Variants in SH3PXD2B observed in about 807,000 individuals in gnomAD.
The protein encoded by SH3PXD2B is SH3 and PX domains 2B.
Under a neutral mutation model 73.1 loss-of-function variants are expected in SH3PXD2B, and 37 were observed. The ratio of observed to expected loss-of-function variants is 0.51; its 90% CI spans 0.39 to 0.67. The LOEUF (loss-of-function observed/expected upper bound fraction) is 0.67. Ranked by LOEUF, SH3PXD2B falls within the 30% of genes least tolerant of loss-of-function variation. The probability of loss-of-function intolerance (pLI) is 0.00; values close to 1 mark genes in which losing one functional copy is unlikely to be tolerated. For synonymous variants in SH3PXD2B, 457 were observed against 480.5 expected (o/e 0.95, Z 0.64); for missense variants, 1,053 against 1,197.8 (o/e 0.88, Z 1.78).
chr5:172,365,256 C>CA (rs1757488200), intron 6 of SH3PXD2B, among the ~76,000 whole-genome samples: 1 of 152,208 alleles, frequency 6.6e-6, no homozygotes, highest in South Asian at 2.1e-4. Context: ...AGCCTACAGA[C>CA]AGCACAGAAA....
intron 7 of SH3PXD2B, among the ~76,000 whole-genome samples, chr5:172,359,333 G>C (rs562736221): frequency 1.5e-5 from 2 of 132,468 alleles, no homozygotes; most frequent in African/African-American, 2.9e-5. Flanking sequence ...GCTGCAGTGA[G>C]CTATGATTGT....
chr5:172,446,550 C>T (rs550848398), intron 1 of SH3PXD2B, among the ~76,000 whole-genome samples: 296 of 152,342 alleles, frequency 1.9e-3, no homozygotes, highest in African/African-American at 6.2e-3. Flanking sequence ...GCACAATTTG[C>T]AAGCAGGACG....
intron 7 of SH3PXD2B, 139 bp downstream of exon 7, chr5:172,362,596 T>C: frequency 8.1e-7 from 1 of 1,238,284 alleles, no homozygotes; most frequent in Non-Finnish European, 1.2e-6. Context: ...CAGGGGCCTC[T>C]TTCTAGGAGA....
At chr5:172,368,496 T>TATTA (rs1354881927) in intron 6 of SH3PXD2B, among the ~76,000 whole-genome samples, 1 of 5,834 alleles carries the variant, frequency 1.7e-4, no homozygotes, top group Non-Finnish European at 3.0e-4. Flanking sequence ...TATATATATA[T>TATTA]TATATATATA....
chr5:172,443,216 C>T (rs377197198), intron 1 of SH3PXD2B, among the ~76,000 whole-genome samples: 2 of 152,176 alleles, frequency 1.3e-5, no homozygotes, highest in Non-Finnish European at 2.9e-5. Context: ...CAGGCATCCA[C>T]GCAACGACTG....
intron 5 of SH3PXD2B, among the ~76,000 whole-genome samples, chr5:172,377,889 C>T (rs1757851209): frequency 6.6e-6 from 1 of 152,218 alleles, no homozygotes; most frequent in Non-Finnish European, 1.5e-5. Flanking sequence ...GTTCACACAG[C>T]TTTTCCCACC....
intron 1 of SH3PXD2B, among the ~76,000 whole-genome samples, chr5:172,430,949 C>T (rs1175517815): frequency 3.3e-5 from 5 of 152,124 alleles, no homozygotes; most frequent in African/African-American, 1.2e-4. Flanking sequence ...TCAACGCAAC[C>T]TCCACATCCC....
Position 172,346,128 on chromosome 5 carries a change from C to CA in SH3PXD2B, c.1188+7_1188+8insT. 1 of 1,614,006 alleles carries CA rather than the reference C, an allele frequency of 6.2e-7. No homozygotes were observed. Among genetic ancestry groups the CA allele is most frequent in the Non-Finnish European group, 8.5e-7 (1 of 1,179,946 alleles). On this transcript the variant is annotated splice_region_variant and intron_variant, in intron 12 of 12. Coordinates refer to ENST00000311601, the MANE Select transcript of SH3PXD2B (RefSeq NM_001017995.3). The stretch of plus-strand genomic sequence containing the variant: ...ACAAGTAGGCAAAGGAACACCAGGG[C>CA]CACTCACCTCGACCTTCAGGCCTGC...
intron 10 of SH3PXD2B, among the ~76,000 whole-genome samples, chr5:172,349,883 C>T (rs998091143): frequency 2.6e-5 from 4 of 151,960 alleles, no homozygotes; most frequent in Non-Finnish European, 5.9e-5. Flanking sequence ...GAGTTTCACT[C>T]TTGTCGCCCA....
Position 172,353,080 on chromosome 5 carries a change from G to C in SH3PXD2B, c.785+808C>G, listed in dbSNP as rs1178831526. Among the ~76,000 whole-genome samples, 3 of 152,060 alleles carry C rather than the reference G, an allele frequency of 2.0e-5. No homozygotes were observed. Among genetic ancestry groups the C allele is most frequent in the Non-Finnish European group, 4.4e-5 (3 of 68,010 alleles). On this transcript the variant is annotated intron_variant, in intron 9 of 12. Transcript: ENST00000311601. The surrounding 1 kb of genome is among the most constrained non-coding windows in gnomAD (Gnocchi z 4.3). ...TCTGTACCAGGTGGTGTGAGCTATT[G>C]TATCTTGCTCACTGTTGACTCCTCA... is the stretch of plus-strand genomic sequence containing the variant.
intron 3 of SH3PXD2B, among the ~76,000 whole-genome samples, chr5:172,396,110 T>C (rs1161037042): frequency 6.7e-6 from 1 of 148,176 alleles, no homozygotes; most frequent in Non-Finnish European, 1.5e-5. Context: ...CCCAGCAGTT[T>C]GGGAGGCCGA....
chr5:172,403,253 C>T (rs555003631), intron 3 of SH3PXD2B, among the ~76,000 whole-genome samples: 8 of 152,362 alleles, frequency 5.3e-5, no homozygotes, highest in South Asian at 2.1e-4. Context: ...GCCAAGTTGG[C>T]TTCCCCAGCT....
downstream of SH3PXD2B, among the ~76,000 whole-genome samples, chr5:172,332,285 G>C (rs1319891136): frequency 7.5e-6 from 1 of 132,982 alleles, no homozygotes; most frequent in Non-Finnish European, 1.6e-5. Context: ...ACACAGTCTT[G>C]CTCTGTCATC....
chr5:172,412,775 C>T (rs540196466), intron 2 of SH3PXD2B, among the ~76,000 whole-genome samples: 2 of 152,322 alleles, frequency 1.3e-5, no homozygotes, highest in African/African-American at 4.8e-5. Context: ...AAAGCCTAAC[C>T]CATGTCATCC....
intron 10 of SH3PXD2B, among the ~76,000 whole-genome samples, chr5:172,348,101 G>A (rs1016466623): frequency 4.6e-5 from 7 of 152,182 alleles, no homozygotes; most frequent in Non-Finnish European, 1.0e-4. Flanking sequence ...CCATTTACCT[G>A]TCTTCTGTTA....
chr5:172,354,237 A>G (rs1468069873), intron 8 of SH3PXD2B, among the ~76,000 whole-genome samples: 3 of 152,038 alleles, frequency 2.0e-5, no homozygotes, highest in African/African-American at 7.2e-5. Flanking sequence ...ACTCAGCCTC[A>G]CCTGCTTCAA....
downstream of SH3PXD2B, among the ~76,000 whole-genome samples, chr5:172,329,431 A>G (rs1756511737): frequency 6.6e-6 from 1 of 151,666 alleles, no homozygotes; most frequent in African/African-American, 2.4e-5. Flanking sequence ...ACTGAAGTTC[A>G]CTATTCTGTA....
intron 2 of SH3PXD2B, among the ~76,000 whole-genome samples, chr5:172,418,744 C>T (rs1041661337): frequency 6.6e-6 from 1 of 152,200 alleles, no homozygotes; most frequent in Non-Finnish European, 1.5e-5. Flanking sequence ...CCATCTGGGA[C>T]TCTGAGCCTG....
At chr5:172,392,902 T>A (rs1758221429) in intron 4 of SH3PXD2B, among the ~76,000 whole-genome samples, 1 of 152,276 alleles carries the variant, frequency 6.6e-6, no homozygotes, top group South Asian at 2.1e-4. Flanking sequence ...ATTTCTGGAC[T>A]CTCAATGTTG....
Sources: gnomAD v4.1 joint callset for allele counts (sites outside exome capture counted in the v4.1 genomes callset) on GRCh38, gnomAD v4.1.1 for gene constraint, Gnocchi (gnomAD v3.1) non-coding constraint, MANE v1.5 for transcripts, NCBI Gene and HGNC (gene_info 2026-07-23, HGNC 2026-07-21) for gene names.